Variants in AKT1S1 observed in about 807,000 individuals in gnomAD.
AKT1S1 encodes the protein AKT1 substrate 1.
In AKT1S1, 17 loss-of-function variants were observed where a neutral mutation model predicts 21.2. That is an observed-to-expected ratio of 0.80 (90% CI 0.55 to 1.20). AKT1S1 has a LOEUF of 1.20. Among genes scored for constraint, AKT1S1 ranks in the 50% most tolerant of loss-of-function variants. The probability of loss-of-function intolerance (pLI) is 0.00; values close to 1 mark genes in which losing one functional copy is unlikely to be tolerated. For missense variants in AKT1S1, 366 were observed against 368.3 expected, an observed-to-expected ratio of 0.99 and a Z score of 0.05; for synonymous variants, 181 against 165.6, an observed-to-expected ratio of 1.09 and a Z score of -0.72.
chr19:49,878,166 G>C (rs1249603946), upstream of AKT1S1: 2 of 1,578,100 alleles, frequency 1.3e-6, no homozygotes, highest in African/African-American at 2.7e-5. Flanking sequence ...AGGGCGGAGT[G>C]TACCTGCACA....
chr19:49,876,787 G>T, intron 1 of AKT1S1: 1 of 1,112,714 alleles, frequency 9.0e-7, no homozygotes, highest in Non-Finnish European at 1.2e-6. Flanking sequence ...CAAGGGTGAC[G>T]ACAGCTTGCC....
rs143653837 is a variant in AKT1S1 at position 49,876,779 on chromosome 19, A to G, written c.-8+458T>C. On this transcript the variant is annotated intron_variant, in intron 1 of 4. Coordinates refer to ENST00000344175, the MANE Select transcript of AKT1S1 (RefSeq NM_001098633.4). Reference sequence around the variant, plus strand: ...GGGGCTTCATCCGAACCAGTTGACAAGGGTGACGACAGCTTGCCCCTAAGA... The same window carrying G: ...GGGGCTTCATCCGAACCAGTTGACAGGGGTGACGACAGCTTGCCCCTAAGA... 299 of 1,198,790 alleles carry G rather than the reference A, an allele frequency of 2.5e-4. 1 individual carries two copies. In the African/African-American group the frequency reaches 4.4e-3, roughly 18 times the overall value. The allele number at this position is 1,198,790 out of a possible 1,614,324, so 74.3% of individuals were successfully genotyped here.
chr19:49,877,797 T>C, upstream of AKT1S1: 1 of 1,553,576 alleles, frequency 6.4e-7, no homozygotes, highest in Non-Finnish European at 8.7e-7. Flanking sequence ...ACGCCCCGTC[T>C]AGTGATCAGC....
In AKT1S1 at chr19:49,873,465, C is replaced by T; in HGVS notation, c.-7-163G>A. 1 of 1,281,292 alleles carries T rather than the reference C, an allele frequency of 7.8e-7. No homozygotes were observed. Among genetic ancestry groups the T allele is most frequent in the Non-Finnish European group, 1.0e-6 (1 of 994,508 alleles). 79.4% of individuals were successfully genotyped at this position (1,281,292 alleles called of 1,614,324 possible). ...CCCAAACCTGCTACTCCCCAGGATTCTCACCATCCAGTCCTCGCAGGCCCA... is the reference window on the plus strand; with the variant it reads ...CCCAAACCTGCTACTCCCCAGGATTTTCACCATCCAGTCCTCGCAGGCCCA... On this transcript the variant is annotated intron_variant, in intron 1 of 4. Coordinates refer to ENST00000344175, the MANE Select transcript of AKT1S1 (RefSeq NM_001098633.4). This position sits in a 1 kb window ranked among gnomAD's most constrained non-coding sequence, Gnocchi z 6.9.
At chr19:49,876,794 TG>T in intron 1 of AKT1S1, 3 of 1,053,260 alleles carry the variant, frequency 2.8e-6, no homozygotes, top group Non-Finnish European at 3.8e-6. Flanking sequence ...GACGACAGCT[TG>T]CCCCTAAGAA....
intron 1 of AKT1S1, chr19:49,875,750 C>T: frequency 1.5e-6 from 1 of 685,336 alleles, no homozygotes; most frequent in Non-Finnish European, 1.8e-6. Flanking sequence ...TGAGGGCTCC[C>T]CCAACTCAGG....
rs2122400991 is a variant in AKT1S1, at chr19:49,876,686, G to GCCCCGCCTCCTCTCCGCACA, written c.-8+531_-8+550dup. The GCCCCGCCTCCTCTCCGCACA allele has an allele frequency of 4.1e-6, 6 of 1,463,064 alleles. No individual in the cohort carries two copies. In the South Asian group the frequency reaches 8.1e-5, roughly 20 times the overall value. 90.6% of individuals were successfully genotyped at this position (1,463,064 alleles called of 1,614,324 possible). On this transcript the variant is annotated intron_variant, in intron 1 of 4. Coordinates refer to ENST00000344175, the MANE Select transcript of AKT1S1 (RefSeq NM_001098633.4). ...CGCCTTGCGTCACGTCCGCGCAGTT[G>GCCCCGCCTCCTCTCCGCACA]CCCCGCCTCCTCTCCGCACACTCCG...
At chr19:49,871,489 G>A (rs1193630650) in intron 4 of AKT1S1, 58 bp downstream of exon 4, 3 of 1,605,952 alleles carry the variant, frequency 1.9e-6, no homozygotes, top group African/African-American at 1.3e-5. Flanking sequence ...GCTTCCTGGA[G>A]GAGGCGGCTC....
Position 49,869,867 on chromosome 19 carries a change from C to A in AKT1S1, c.*50G>T. Reference sequence around the variant, plus strand: ...GCAGGCCCCGGGAGTGGGGCGGGGGCGTAGTGTGGGACGGGGCGGACGCGG... The same window carrying A: ...GCAGGCCCCGGGAGTGGGGCGGGGGAGTAGTGTGGGACGGGGCGGACGCGG... On this transcript the variant is annotated 3_prime_UTR_variant, in exon 5 of 5. Transcript: ENST00000344175. 1 of 1,411,344 alleles carries A rather than the reference C, an allele frequency of 7.1e-7. No individual in the cohort carries two copies. The highest frequency in any genetic ancestry group is 1.5e-5 in the South Asian group (1 of 67,916). The allele number at this position is 1,411,344 out of a possible 1,614,324, so 87.4% of individuals were successfully genotyped here.
upstream of AKT1S1, chr19:49,877,925 G>GC (rs1043403315): frequency 4.7e-5 from 31 of 663,126 alleles, no homozygotes; most frequent in African/African-American, 7.9e-5. Flanking sequence ...CCATGGCCCC[G>GC]CCCCCCCGGC....
At position 49,873,662 on chromosome 19, in the gene AKT1S1, A is replaced by G. The variant is rs905061367; in HGVS notation, c.-7-360T>C. The stretch of plus-strand genomic sequence containing the variant: ...AGTCCTAGCAGAGAGGCCTCTAACA[A>G]TAAAACCTGCACTGGGTTCTGAAGA... On this transcript the variant is annotated intron_variant, in intron 1 of 4. Coordinates refer to ENST00000344175, the MANE Select transcript of AKT1S1 (RefSeq NM_001098633.4). This position sits in a 1 kb window ranked among gnomAD's most constrained non-coding sequence, Gnocchi z 6.9. 20 of 233,600 alleles carry G rather than the reference A, an allele frequency of 8.6e-5. No individual in the cohort carries two copies. Among genetic ancestry groups the G allele is most frequent in the African/African-American group, 3.9e-4 (17 of 43,722 alleles). 14.5% of individuals were successfully genotyped at this position (233,600 alleles called of 1,614,324 possible).
chr19:49,878,243 T>C (rs1477855990), upstream of AKT1S1: 3 of 1,556,324 alleles, frequency 1.9e-6, no homozygotes, highest in Middle Eastern at 3.3e-4. Flanking sequence ...GTGGAAAAGG[T>C]GCGCTGGGAG....
In AKT1S1 at chr19:49,873,424, G is replaced by A. The variant is rs1411737217; in HGVS notation, c.-7-122C>T. The A allele has an allele frequency of 2.2e-5, 30 of 1,357,942 alleles. No homozygotes were observed. Among genetic ancestry groups the A allele is most frequent in the African/African-American group, 7.8e-5 (5 of 64,426 alleles). The allele number at this position is 1,357,942 out of a possible 1,614,324, so 84.1% of individuals were successfully genotyped here. A position where few individuals can be genotyped will look rare whatever the true frequency, so the allele number is the denominator to read the frequency against. On this transcript the variant is annotated intron_variant, in intron 1 of 4. Coordinates refer to ENST00000344175, the MANE Select transcript of AKT1S1 (RefSeq NM_001098633.4). The surrounding 1 kb of genome is among the most constrained non-coding windows in gnomAD (Gnocchi z 6.9). ...CACCCTCCACCCACCTTGTCCCAGC[G>A]GTGCTGTGTGTCCTCCCCAAACCTG...
Position 49,870,038 on chromosome 19 carries a change from C to T in AKT1S1, c.650G>A (p.Arg217His), listed in dbSNP as rs1267840484. Residue 217 changes from arginine (R) to histidine (H), a missense_variant, in exon 5 of 5, where the codon CGC becomes CAC. By Grantham distance (29) the Arg-to-His change is conservative (BLOSUM62 0). Coordinates refer to ENST00000344175, the MANE Select transcript of AKT1S1 (RefSeq NM_001098633.4). ...NGPPSSPDLDRIAASMRALVL... is the reference protein window; with the variant it reads ...NGPPSSPDLDHIAASMRALVL... ...CAGCGCGCGCATGCTCGCCGCGATG[C>T]GGTCCAGGTCGGGCGAAGAGGGCTG... 6 of 1,547,776 alleles carry T rather than the reference C, an allele frequency of 3.9e-6. No homozygotes were observed. The highest frequency in any genetic ancestry group is 2.5e-5 in the East Asian group (1 of 39,804).
At position 49,869,824 on chromosome 19, in the gene AKT1S1, C is replaced by G. The variant is rs117054050; in HGVS notation, c.*93G>C. On this transcript the variant is annotated 3_prime_UTR_variant, in exon 5 of 5. Transcript: ENST00000344175. The stretch of plus-strand genomic sequence containing the variant: ...ATGGGAGACGCAAGGAGGCCGGTCC[C>G]GGATCGGCCTCAGATTAGCAGGCCC... 6.3e-6 allele frequency: 8 copies of G among 1,260,194 alleles called. No homozygotes were observed. The highest frequency in any genetic ancestry group is 3.2e-5 in the East Asian group (1 of 31,710). 78.1% of individuals were successfully genotyped at this position (1,260,194 alleles called of 1,614,324 possible).
chr19:49,875,848 A>G (rs2074934561), intron 1 of AKT1S1: 3 of 985,346 alleles, frequency 3.0e-6, no homozygotes, highest in Non-Finnish European at 3.6e-6. Context: ...ACAGGAGAGT[A>G]GCCAAGACCT....
upstream of AKT1S1, chr19:49,877,660 G>C: frequency 6.4e-7 from 1 of 1,568,266 alleles, no homozygotes; most frequent in Non-Finnish European, 8.7e-7. Flanking sequence ...TGTTTTCTCC[G>C]GAAGTGACAA....
chr19:49,873,067 G>A lies in AKT1S1; in HGVS notation c.229C>T (p.Pro77Ser), dbSNP rs2074902740. ...LAHRAATAARPPAPPPAPQPP... is the reference protein window; with the variant it reads ...LAHRAATAARSPAPPPAPQPP... Reference sequence around the variant, plus strand: ...TGTGGTGCTGGTGGGGGCGCAGGAGGCCGAGCAGCAGTGGCAGCCCTGTGG... The same window carrying A: ...TGTGGTGCTGGTGGGGGCGCAGGAGACCGAGCAGCAGTGGCAGCCCTGTGG... The change falls in exon 2 of 5, where the codon CCT (proline) becomes TCT (serine). Residue 77 changes from proline (P) to serine (S), a missense_variant. Physicochemically the swap from Pro to Ser is moderately conservative, Grantham distance 74. Coordinates refer to ENST00000344175, the MANE Select transcript of AKT1S1 (RefSeq NM_001098633.4). The surrounding 1 kb of genome is among the most constrained non-coding windows in gnomAD (Gnocchi z 6.9). The A allele has an allele frequency of 6.4e-7, 1 of 1,554,474 alleles. No homozygotes were observed. Among genetic ancestry groups the A allele is most frequent in the Non-Finnish European group, 8.7e-7 (1 of 1,150,960 alleles).
chr19:49,875,841 GGA>G, intron 1 of AKT1S1: 1 of 985,440 alleles, frequency 1.0e-6, no homozygotes, highest in Non-Finnish European at 1.2e-6. Flanking sequence ...CTACCCAACA[GGA>G]GAGTAGCCAA....
Sources: allele counts gnomAD v4.1 joint callset, GRCh38; gene constraint gnomAD v4.1.1; non-coding constraint Gnocchi (gnomAD v3.1); transcripts MANE v1.5; gene names NCBI Gene and HGNC (gene_info 2026-07-23, HGNC 2026-07-21).